HERC1: variants seen among roughly 807,000 people sequenced by gnomAD.
The protein encoded by HERC1 is HECT and RLD domain containing E3 ubiquitin protein ligase family member 1.
Under a neutral mutation model 554.3 loss-of-function variants are expected in HERC1, and 160 were observed. The observed-to-expected ratio is 0.29, with a 90% CI of 0.25 to 0.33. HERC1 has a LOEUF of 0.33. HERC1 is among the 10% of genes least tolerant of loss of function. The pLI, the probability that HERC1 is intolerant of heterozygous loss-of-function variation, is 1.00. For missense variants in HERC1, 4,919 were observed against 5,918.5 expected, an observed-to-expected ratio of 0.83 and a Z score of 5.54; for synonymous variants, 2,175 against 2,131.7, an observed-to-expected ratio of 1.02 and a Z score of -0.56.
intron 74 of HERC1, among the ~76,000 whole-genome samples, chr15:63,621,145 C>A: frequency 6.6e-6 from 1 of 152,216 alleles, no homozygotes; most frequent in East Asian, 1.9e-4. Context: ...TTCTTCCTTT[C>A]CATGTTTAGT....
At chr15:63,679,175 A>G (rs2152993619) in intron 36 of HERC1, among the ~76,000 whole-genome samples, 1 of 152,352 alleles carries the variant, frequency 6.6e-6, no homozygotes, top group East Asian at 1.9e-4. Context: ...CATTCGAACC[A>G]GAACATGACA....
At chr15:63,688,049 A>T (rs2071881178) in intron 33 of HERC1, among the ~76,000 whole-genome samples, 1 of 152,224 alleles carries the variant, frequency 6.6e-6, no homozygotes, top group African/African-American at 2.4e-5. Context: ...CTGATTTACA[A>T]TTTTAAAAGA....
intron 56 of HERC1, 102 bp downstream of exon 56, chr15:63,645,381 G>A (rs1388889266): frequency 1.2e-6 from 1 of 807,170 alleles, no homozygotes; most frequent in South Asian, 1.9e-5. Context: ...AATAGCAACT[G>A]GCAATAAACT....
chr15:63,658,680 T>C lies in HERC1; in HGVS notation c.9463A>G (p.Ile3155Val). 1.2e-6 allele frequency: 2 copies of C among 1,613,636 alleles called. No homozygotes were observed. The highest frequency in any genetic ancestry group is 1.7e-6 in the Non-Finnish European group (2 of 1,179,582). Residue 3155 changes from isoleucine (I) to valine (V), a missense_variant, in exon 48 of 78, where the codon ATA (isoleucine) becomes GTA (valine). Transcript: ENST00000443617. Reference sequence around the variant, plus strand: ...GCAGCTGCCTGCTCTCCTAACGTTATTCTCCCAGAGGAGCTCTTTTCTACG... The same window carrying C: ...GCAGCTGCCTGCTCTCCTAACGTTACTCTCCCAGAGGAGCTCTTTTCTACG... ...GSVEKSSSGRITLGEQAAALA... is the reference protein window; with the variant it reads ...GSVEKSSSGRVTLGEQAAALA...
intron 14 of HERC1, among the ~76,000 whole-genome samples, chr15:63,731,827 A>G (rs1484792694): frequency 6.6e-6 from 1 of 152,218 alleles, no homozygotes; most frequent in Non-Finnish European, 1.5e-5. Context: ...AGCTATATGC[A>G]TCTCTGGCTA....
intron 1 of HERC1, among the ~76,000 whole-genome samples, chr15:63,791,152 T>C (rs2076640832): frequency 6.6e-6 from 1 of 152,214 alleles, no homozygotes; most frequent in Admixed American, 6.5e-5. Context: ...ACCTGAGAGA[T>C]GACATATCTA....
intron 67 of HERC1, 27 bp from the exon 68 acceptor site, chr15:63,632,838 A>T (rs1379805542): frequency 2.8e-6 from 4 of 1,442,878 alleles, no homozygotes; most frequent in Non-Finnish European, 3.8e-6. Flanking sequence ...TAAGGCACAC[A>T]ACTTTAAGAA....
At chr15:63,780,025 A>AAT (rs1406937248) in intron 1 of HERC1, 1 of 151,622 alleles carries the variant, frequency 6.6e-6, no homozygotes, top group African/African-American at 2.4e-5. Flanking sequence ...AAAAAAAAAA[A>AAT]AAAAAAAGAT....
At chr15:63,645,392 C>T in intron 56 of HERC1, 91 bp downstream of exon 56, 1 of 935,972 alleles carries the variant, frequency 1.1e-6, no homozygotes. Flanking sequence ...GCAATAAACT[C>T]TTTAAGACTA....
intron 17 of HERC1, among the ~76,000 whole-genome samples, chr15:63,725,987 G>A (rs968197375): frequency 6.6e-6 from 1 of 151,864 alleles, no homozygotes; most frequent in African/African-American, 2.4e-5. Flanking sequence ...TGGGGGGCGG[G>A]GGTGGAGGGG....
chr15:63,771,156 T>C (rs935671799), intron 2 of HERC1, among the ~76,000 whole-genome samples: 2 of 150,812 alleles, frequency 1.3e-5, no homozygotes, highest in Non-Finnish European at 3.0e-5. Flanking sequence ...ACCATTGCAC[T>C]CCAGCCTGGG....
chr15:63,814,241 C>T (rs1264961913), intron 1 of HERC1, among the ~76,000 whole-genome samples: 1 of 152,114 alleles, frequency 6.6e-6, no homozygotes, highest in Non-Finnish European at 1.5e-5. Flanking sequence ...TGGTTTTCAC[C>T]TTTCCCACTA....
intron 55 of HERC1, among the ~76,000 whole-genome samples, chr15:63,646,071 T>A (rs1303053314): frequency 1.3e-5 from 2 of 152,210 alleles, no homozygotes; most frequent in African/African-American, 2.4e-5. Flanking sequence ...TACATCCCAA[T>A]AGCAAACACT....
chr15:63,643,497 G>A lies in HERC1; in HGVS notation c.11238C>T (p.His3746=), dbSNP rs747736470. 2 of 1,611,332 alleles carry A rather than the reference G, an allele frequency of 1.2e-6. No homozygotes were observed. Among genetic ancestry groups the A allele is most frequent in the Admixed American group, 1.7e-5 (1 of 59,736 alleles). Residue 3746 remains histidine, a synonymous_variant, in exon 58 of 78, where the codon CAC becomes CAT. Transcript: ENST00000443617. ...AGGCAACAGTCCGAACAGGAGTGAT[G>A]TGTCCCCGCAGCTGATAAACACACT... ...GAKCVYQLRG[H]ITPVRTVAFS... is the part of the protein sequence containing the mutation.
At position 63,645,568 on chromosome 15, in the gene HERC1, A is replaced by C. The variant is rs2069294909; in HGVS notation, c.10993T>G (p.Ser3665Ala). 1 of 1,613,536 alleles carries C rather than the reference A, an allele frequency of 6.2e-7. No homozygotes were observed. Among genetic ancestry groups the C allele is most frequent in the African/African-American group, 1.3e-5 (1 of 74,938 alleles). The change falls in exon 56 of 78, where the codon TCA becomes GCA. Residue 3665 changes from serine (S) to alanine (A), a missense_variant. Ser to Ala is a moderately conservative substitution (Grantham distance 99). This residue lies in a region of HERC1 where 1,963 missense variants were observed against 2,228.6 expected (regional missense o/e 0.88). Transcript: ENST00000443617. ...TTTACAATAGATGGATGGCAGAGTG[A>C]ATGTAGACAGCACCAGCATCCCGAA... ...SISGCWCCLH[S>A]LCHPSIVNGI...
chr15:63,639,917 T>C (rs1011546755), intron 61 of HERC1, among the ~76,000 whole-genome samples: 6 of 152,196 alleles, frequency 3.9e-5, no homozygotes, highest in African/African-American at 1.4e-4. Flanking sequence ...GACTATGTCA[T>C]TGAGAGGTGG....
intron 34 of HERC1, among the ~76,000 whole-genome samples, chr15:63,682,274 C>T (rs141523202): frequency 4.2e-4 from 64 of 152,302 alleles, no homozygotes; most frequent in East Asian, 3.3e-3. Context: ...CTACCCCAGA[C>T]GCTCTTGGCC....
intron 55 of HERC1, among the ~76,000 whole-genome samples, chr15:63,647,522 T>G (rs189498612): frequency 3.9e-5 from 6 of 152,252 alleles, no homozygotes; most frequent in Admixed American, 2.0e-4. Context: ...GGAAAATAAT[T>G]CATTTTCTCA....
At chr15:63,822,137 A>G (rs2077723377) in intron 1 of HERC1, among the ~76,000 whole-genome samples, 1 of 152,128 alleles carries the variant, frequency 6.6e-6, no homozygotes, top group Admixed American at 6.6e-5. Flanking sequence ...CAAGTTTTAA[A>G]CCCTGGGAGT....
Sources: allele counts gnomAD v4.1 joint callset (sites outside exome capture counted in the v4.1 genomes callset), GRCh38; gene constraint gnomAD v4.1.1; regional missense constraint gnomAD v4.1.1; transcripts MANE v1.5; gene names NCBI Gene and HGNC (gene_info 2026-07-23, HGNC 2026-07-21).